Variants in WDR27 observed in about 807,000 individuals in gnomAD.
WDR27 encodes the protein WD repeat domain 27, also known as WD repeat-containing protein 27.
WDR27 carries 100 observed loss-of-function variants against 114.4 expected under a neutral mutation model. The observed-to-expected ratio is 0.87, with a 90% CI of 0.74 to 1.03. WDR27 has a LOEUF of 1.03. WDR27 is among the 50% of genes least tolerant of loss of function. WDR27 has a pLI of 0.00. For missense variants in WDR27, 1,129 were observed against 1,092.9 expected, an observed-to-expected ratio of 1.03 and a Z score of -0.47; for synonymous variants, 449 against 423.1, an observed-to-expected ratio of 1.06 and a Z score of -0.75.
At chr6:169,615,579 T>C (rs1012825323) in intron 21 of WDR27, among the ~76,000 whole-genome samples, 7 of 152,200 alleles carry the variant, frequency 4.6e-5, no homozygotes, top group African/African-American at 1.7e-4. Flanking sequence ...ACTGGCTAAA[T>C]GTGCAGAAGG....
At chr6:169,658,666 T>C (rs1384760998) in intron 12 of WDR27, among the ~76,000 whole-genome samples, 12 of 151,902 alleles carry the variant, frequency 7.9e-5, no homozygotes, top group Admixed American at 7.2e-4. Flanking sequence ...CCAAATAGCA[T>C]TGGCAGAGCT....
chr6:169,524,298 G>A (rs924018461), intron 25 of WDR27, among the ~76,000 whole-genome samples: 1 of 152,002 alleles, frequency 6.6e-6, no homozygotes, highest in Non-Finnish European at 1.5e-5. Flanking sequence ...ATTTTAAAAT[G>A]GAAAGATATT....
chr6:169,469,735 A>G (rs1191749291), intron 25 of WDR27, among the ~76,000 whole-genome samples: 2 of 152,216 alleles, frequency 1.3e-5, no homozygotes, highest in Non-Finnish European at 2.9e-5. Flanking sequence ...AAAGCACCTG[A>G]CAGGCTTCCT....
At chr6:169,467,280 G>A (rs1326314719) in intron 25 of WDR27, among the ~76,000 whole-genome samples, 4 of 152,184 alleles carry the variant, frequency 2.6e-5, no homozygotes, top group Non-Finnish European at 5.9e-5. Context: ...CCATTCTGGG[G>A]TCTGGAGGAT....
At chr6:169,582,376 GT>G (rs1299437192) in intron 24 of WDR27, among the ~76,000 whole-genome samples, 1 of 152,096 alleles carries the variant, frequency 6.6e-6, no homozygotes. Flanking sequence ...TTATTTTCAT[GT>G]TTTCTTCTAA....
In WDR27 at chr6:169,653,582, C is replaced by A. The variant is rs150890484; in HGVS notation, c.1403-1574G>T. 1.9e-3 allele frequency among the ~76,000 whole-genome samples: 295 copies of A among 152,210 alleles called. 5 individuals are homozygous for A. In the East Asian group the frequency reaches 0.033, roughly 17 times the overall value. On this transcript the variant is annotated intron_variant, in intron 13 of 25. Transcript: ENST00000448612. Reference sequence around the variant, plus strand: ...GCATCATTACTACATAGGACTTTTTCAATTTTTTGAGGGTACTGCTATTTA... The same window carrying A: ...GCATCATTACTACATAGGACTTTTTAAATTTTTTGAGGGTACTGCTATTTA...
chr6:169,452,157 G>A, the WDR27 span, among the ~76,000 whole-genome samples: 1 of 152,184 alleles, frequency 6.6e-6, no homozygotes, highest in Non-Finnish European at 1.5e-5. Flanking sequence ...CACAGTGGAA[G>A]ATAAGTCAGT....
downstream of WDR27, among the ~76,000 whole-genome samples, chr6:169,454,851 GC>G (rs1784287484): frequency 6.6e-6 from 1 of 152,240 alleles, no homozygotes; most frequent in Admixed American, 6.5e-5. Flanking sequence ...CCATGGCTGG[GC>G]TGCCAGGGCT....
chr6:169,653,382 A>G (rs1412574981), intron 13 of WDR27, among the ~76,000 whole-genome samples: 1 of 152,258 alleles, frequency 6.6e-6, no homozygotes, highest in Non-Finnish European at 1.5e-5. Context: ...AATCCCACTG[A>G]ACCATACACC....
intron 25 of WDR27, chr6:169,559,201 ATT>A (rs1205989159): frequency 3.3e-5 from 5 of 152,160 alleles, no homozygotes; most frequent in Non-Finnish European, 7.4e-5. Flanking sequence ...TGTGGAGCAC[ATT>A]TTTTTGGCTC....
In WDR27 at chr6:169,572,262, C is replaced by T. The variant is rs945260913; in HGVS notation, c.2645+157G>A. ...TTTAAAAATTAAAAGAATTCTGGGC[C>T]GGGCGTGGTGGCTCACGCCGGTAAT... On this transcript the variant is annotated intron_variant, in intron 25 of 25. Coordinates refer to ENST00000448612, the MANE Select transcript of WDR27 (RefSeq NM_182552.5). Among the ~76,000 whole-genome samples the T allele has an allele frequency of 3.0e-4, 45 of 152,010 alleles. 1 individual carries two copies. Among genetic ancestry groups the T allele is most frequent in the Admixed American group, 2.0e-3 (31 of 15,256 alleles).
At chr6:169,663,828 T>G in intron 8 of WDR27, 1 of 285,920 alleles carries the variant, frequency 3.5e-6, no homozygotes, top group Non-Finnish European at 6.5e-6. Flanking sequence ...GGCATCTGAG[T>G]CATGCAGTGT....
At chr6:169,578,989 C>T (rs1310723281) in intron 24 of WDR27, among the ~76,000 whole-genome samples, 2 of 152,148 alleles carry the variant, frequency 1.3e-5, no homozygotes, top group Non-Finnish European at 2.9e-5. Context: ...AGGTACACGG[C>T]AGCAGCCAGA....
chr6:169,442,209 C>G, the WDR27 span, among the ~76,000 whole-genome samples: 1 of 152,168 alleles, frequency 6.6e-6, no homozygotes, highest in Admixed American at 6.5e-5. Context: ...GTCTTTTCCT[C>G]CCTTCTTAAT....
chr6:169,643,561 A>C, intron 17 of WDR27, 136 bp downstream of exon 17: 1 of 648,284 alleles, frequency 1.5e-6, no homozygotes, highest in South Asian at 2.2e-5. Context: ...AATCTAGTTT[A>C]GACTCCAATT....
chr6:169,693,365 A>G (rs1032505977), intron 1 of WDR27, among the ~76,000 whole-genome samples: 9 of 152,222 alleles, frequency 5.9e-5, no homozygotes, highest in African/African-American at 1.4e-4. Flanking sequence ...AAACCTTGAA[A>G]TACACCAAAA....
rs1414421793 is a variant in WDR27, at chr6:169,651,176, TGCGGG to T, written c.1481+749_1481+753del. On this transcript the variant is annotated intron_variant, in intron 14 of 25. Transcript: ENST00000448612. ...GGGATTTCTGCCTGGAGCACAGCAG[TGCGGG>T]GCGGGGGGGGGGAGTGGGGGAGTGG... Among the ~76,000 whole-genome samples the T allele has an allele frequency of 3.0e-3, 9 of 3,050 alleles. 1 individual carries two copies. The highest frequency in any genetic ancestry group is 0.024 in the Admixed American group (7 of 290). 2.0% of individuals were successfully genotyped at this position (3,050 alleles called of 152,430 possible).
the WDR27 span, among the ~76,000 whole-genome samples, chr6:169,438,614 A>G: frequency 6.6e-6 from 1 of 152,130 alleles, no homozygotes; most frequent in Non-Finnish European, 1.5e-5. Context: ...TTCCTTTTTA[A>G]TAAAGTGTAC....
chr6:169,575,492 T>C (rs1024233127), intron 24 of WDR27, among the ~76,000 whole-genome samples: 1 of 152,150 alleles, frequency 6.6e-6, no homozygotes, highest in Admixed American at 6.5e-5. Context: ...TTTATCCTCC[T>C]ACTGGGAGGT....
Sources: allele counts gnomAD v4.1 joint callset (sites outside exome capture counted in the v4.1 genomes callset), GRCh38; gene constraint gnomAD v4.1.1; transcripts MANE v1.5; gene names NCBI Gene and HGNC (gene_info 2026-07-23, HGNC 2026-07-21).